Variants in DNAH9 observed in about 807,000 individuals in gnomAD.
DNAH9 encodes the protein dynein axonemal heavy chain 9.
DNAH9 carries 345 observed loss-of-function variants against 471.6 expected under a neutral mutation model. The ratio of observed to expected loss-of-function variants is 0.73; its 90% CI spans 0.67 to 0.80. The LOEUF (loss-of-function observed/expected upper bound fraction) is 0.80. Among genes scored for constraint, DNAH9 ranks in the 30% least tolerant of loss-of-function variants. The pLI, the probability that DNAH9 is intolerant of heterozygous loss-of-function variation, is 0.00. For synonymous variants in DNAH9, 2,093 were observed against 2,123.6 expected, an observed-to-expected ratio of 0.99 and a Z score of 0.40; for missense variants, 5,407 against 5,609.2, an observed-to-expected ratio of 0.96 and a Z score of 1.15.
In DNAH9 at chr17:11,611,650, G is replaced by T. The variant is rs1056994413; in HGVS notation, c.774G>T (p.Arg258Ser). Residue 258 changes from arginine (R) to serine (S), a missense_variant and splice_region_variant, in exon 4 of 69, where the codon AGG (arginine) becomes AGT (serine). By Grantham distance (110) the Arg-to-Ser change is moderately radical. Transcript: ENST00000262442. ...PKVELEFWKS[R>S]YEDLKYIYNQ... ...TTCACCCTTCTTCATGATATTGCAG[G>T]TATGAAGATCTGAAATACATCTATA... The T allele has an allele frequency of 6.2e-7, 1 of 1,613,682 alleles. No individual in the cohort carries two copies.
At chr17:11,942,756 C>T (rs1974970727) in intron 67 of DNAH9, among the ~76,000 whole-genome samples, 1 of 152,144 alleles carries the variant, frequency 6.6e-6, no homozygotes, top group South Asian at 2.1e-4. Context: ...AGTTTATTTT[C>T]CTCACCTTGA....
chr17:11,818,023 G>A (rs1038763693), intron 45 of DNAH9, among the ~76,000 whole-genome samples: 7 of 152,304 alleles, frequency 4.6e-5, no homozygotes, highest in Middle Eastern at 3.4e-3. Context: ...AGATACAGTA[G>A]TTCAAGAAAG....
intron 9 of DNAH9, among the ~76,000 whole-genome samples, chr17:11,638,310 A>G (rs2073201403): frequency 6.6e-6 from 1 of 152,216 alleles, no homozygotes; most frequent in Non-Finnish European, 1.5e-5. Flanking sequence ...TGAAAACTCA[A>G]ATGCCTCCAG....
intron 35 of DNAH9, among the ~76,000 whole-genome samples, chr17:11,758,998 A>T (rs1310946771): frequency 6.6e-6 from 1 of 152,180 alleles, no homozygotes; most frequent in Non-Finnish European, 1.5e-5. Context: ...AGTGGAAAAC[A>T]GTAGTTAATA....
intron 17 of DNAH9, among the ~76,000 whole-genome samples, chr17:11,674,943 A>C (rs1222091869): frequency 6.6e-6 from 1 of 152,172 alleles, no homozygotes; most frequent in Non-Finnish European, 1.5e-5. Context: ...TTCATCAAGA[A>C]TATCTTGACA....
At chr17:11,931,451 T>G (rs1974505659) in intron 63 of DNAH9, among the ~76,000 whole-genome samples, 1 of 152,150 alleles carries the variant, frequency 6.6e-6, no homozygotes, top group Admixed American at 6.5e-5. Flanking sequence ...AGTCAGAGTC[T>G]CAGAAGATTT....
intron 61 of DNAH9, among the ~76,000 whole-genome samples, chr17:11,911,962 A>G (rs1973806215): frequency 6.6e-6 from 1 of 152,180 alleles, no homozygotes; most frequent in Non-Finnish European, 1.5e-5. Flanking sequence ...TTTTCCAGTT[A>G]CAAGACCATG....
intron 57 of DNAH9, 51 bp from the exon 58 acceptor site, chr17:11,891,726 G>GTA: frequency 6.3e-7 from 1 of 1,585,236 alleles, no homozygotes; most frequent in Non-Finnish European, 8.6e-7. Flanking sequence ...GACCACTAGT[G>GTA]TATAGTAAGA....
chr17:11,958,174 T>C (rs1975763670), intron 67 of DNAH9, among the ~76,000 whole-genome samples: 1 of 152,214 alleles, frequency 6.6e-6, no homozygotes, highest in African/African-American at 2.4e-5. Flanking sequence ...AAAGGCTACA[T>C]ACTGTATTAT....
At chr17:11,717,423 A>C (rs2150798657) in intron 26 of DNAH9, among the ~76,000 whole-genome samples, 1 of 152,058 alleles carries the variant, frequency 6.6e-6, no homozygotes, top group Middle Eastern at 3.4e-3. Flanking sequence ...GGTTTAGTCA[A>C]GTCAGTAGAA....
chr17:11,752,919 A>T lies in DNAH9; in HGVS notation c.6697A>T (p.Met2233Leu). 6.2e-7 allele frequency: 1 copy of T among 1,607,208 alleles called. No homozygotes were observed. Among genetic ancestry groups the T allele is most frequent in the Non-Finnish European group, 8.5e-7 (1 of 1,176,170 alleles). Residue 2233 changes from methionine to leucine, a missense_variant, in exon 33 of 69, where the codon ATG becomes TTG. Met to Leu is a conservative substitution (Grantham distance 15). Transcript: ENST00000262442. The part of the protein sequence containing the change: ...WILLDGDIDP[M>L]WIESLNTVMD... ...TTTACTGGATGGCGACATAGATCCA[A>T]TGTGGATTGAATCCCTGAATACTGT...
chr17:11,908,529 A>G (rs1209453580), intron 61 of DNAH9, among the ~76,000 whole-genome samples: 2 of 152,226 alleles, frequency 1.3e-5, no homozygotes, highest in Non-Finnish European at 2.9e-5. Flanking sequence ...AATTCTTCTT[A>G]GTATATCCCA....
chr17:11,770,108 TG>T (rs1968142519), intron 38 of DNAH9, among the ~76,000 whole-genome samples: 2 of 152,148 alleles, frequency 1.3e-5, no homozygotes, highest in Admixed American at 1.3e-4. Flanking sequence ...GACACTGCAG[TG>T]CCTCCCCACA....
At chr17:11,813,593 A>G (rs1315519322) in intron 45 of DNAH9, among the ~76,000 whole-genome samples, 2 of 152,208 alleles carry the variant, frequency 1.3e-5, no homozygotes, top group African/African-American at 4.8e-5. Context: ...TACAAGTCCT[A>G]CGAGGTTGGA....
chr17:11,639,626 T>G (rs1210912881), intron 9 of DNAH9, among the ~76,000 whole-genome samples: 1 of 152,284 alleles, frequency 6.6e-6, no homozygotes, highest in Middle Eastern at 3.4e-3. Flanking sequence ...GATGTGAAAA[T>G]TGAGACCCAG....
chr17:11,883,313 G>A, intron 55 of DNAH9: 1 of 1,170,648 alleles, frequency 8.5e-7, no homozygotes, highest in Non-Finnish European at 1.1e-6. Flanking sequence ...GTTGCCCATT[G>A]TGCATTAAGC....
chr17:11,746,360 G>A (rs1966881826), intron 31 of DNAH9, among the ~76,000 whole-genome samples: 1 of 152,144 alleles, frequency 6.6e-6, no homozygotes, highest in Non-Finnish European at 1.5e-5. Context: ...TGTCTTCCTT[G>A]CACAGTGCAT....
intron 30 of DNAH9, among the ~76,000 whole-genome samples, 181 bp downstream of exon 30, chr17:11,742,494 G>A (rs2075447365): frequency 6.6e-6 from 1 of 152,110 alleles, no homozygotes; most frequent in Non-Finnish European, 1.5e-5. Flanking sequence ...CACTTTTTTA[G>A]CTCTGCATTT....
intron 32 of DNAH9, among the ~76,000 whole-genome samples, chr17:11,748,630 C>T (rs999318769): frequency 2.0e-5 from 3 of 152,138 alleles, no homozygotes; most frequent in African/African-American, 7.2e-5. Context: ...AGCCATATTC[C>T]TTTCTACAGT....
Sources: gnomAD v4.1 joint callset for allele counts (sites outside exome capture counted in the v4.1 genomes callset) on GRCh38, gnomAD v4.1.1 for gene constraint, MANE v1.5 for transcripts, NCBI Gene and HGNC (gene_info 2026-07-23, HGNC 2026-07-21) for gene names.